The following HS3ST2 variants were observed in gnomAD, a reference collection of about 807,000 sequenced individuals.
The protein encoded by HS3ST2 is heparan sulfate glucosamine 3-O-sulfotransferase 2.
In HS3ST2, 17 loss-of-function variants were observed where a neutral mutation model predicts 26.3. The ratio of observed to expected loss-of-function variants is 0.65; its 90% CI spans 0.44 to 0.97. The LOEUF is 0.97. HS3ST2 is among the 50% of genes least tolerant of loss of function. The pLI, the probability that HS3ST2 is intolerant of heterozygous loss-of-function variation, is 0.00. For missense variants in HS3ST2, 402 were observed against 501.2 expected (o/e 0.80, Z 1.89); for synonymous variants, 237 against 219.2 (o/e 1.08, Z -0.72).
intron 1 of HS3ST2, among the ~76,000 whole-genome samples, chr16:22,903,079 A>G (rs993147197): frequency 6.6e-6 from 1 of 151,892 alleles, no homozygotes; most frequent in Middle Eastern, 3.4e-3. Context: ...TAACTTTTCC[A>G]TCTTTTCCTT....
chr16:22,846,198 A>G (rs1901429639), intron 1 of HS3ST2, among the ~76,000 whole-genome samples: 1 of 151,846 alleles, frequency 6.6e-6, no homozygotes, highest in African/African-American at 2.4e-5. Context: ...AATTGTTTGA[A>G]CCCGGGAGGC....
chr16:22,877,486 C>T (rs1397900220), intron 1 of HS3ST2, among the ~76,000 whole-genome samples: 1 of 152,206 alleles, frequency 6.6e-6, no homozygotes, highest in Admixed American at 6.5e-5. Context: ...TGGCGACTTA[C>T]TGCAGAGTGG....
intron 1 of HS3ST2, among the ~76,000 whole-genome samples, chr16:22,879,996 A>G (rs1443131846): frequency 1.3e-5 from 2 of 152,230 alleles, no homozygotes; most frequent in Non-Finnish European, 2.9e-5. Context: ...ACAAATCTCC[A>G]TAAAGCACAG....
In HS3ST2 at chr16:22,814,663, G is replaced by T. The variant is rs866604120; in HGVS notation, c.53G>T (p.Arg18Leu). The T allele has an allele frequency of 1.3e-6, 2 of 1,575,076 alleles. No individual in the cohort carries two copies. The highest frequency in any genetic ancestry group is 1.7e-6 in the Non-Finnish European group (2 of 1,161,928). The change falls in exon 1 of 2, where the codon CGC becomes CTC. Residue 18 changes from arginine (R) to leucine (L), a missense_variant. Arg to Leu is a moderately radical substitution (Grantham distance 102, BLOSUM62 -2). This residue lies in a region of HS3ST2 where 165 missense variants were observed against 154.6 expected (regional missense o/e 1.07). Coordinates refer to ENST00000261374, the MANE Select transcript of HS3ST2 (RefSeq NM_006043.2). ...RAGPPQPRRA[R>L]RLLFAFTLSL... is the part of the protein sequence containing the mutation. ...GGGCCACCTCAGCCGCGGAGGGCGC[G>T]CAGGCTGCTCTTCGCCTTCACGCTC...
At chr16:22,880,463 A>T (rs1901973555) in intron 1 of HS3ST2, among the ~76,000 whole-genome samples, 2 of 152,162 alleles carry the variant, frequency 1.3e-5, no homozygotes, top group African/African-American at 4.8e-5. Flanking sequence ...GGGGGAAAAA[A>T]ACCTTCAGTA....
intron 1 of HS3ST2, among the ~76,000 whole-genome samples, chr16:22,863,220 A>G (rs1901704057): frequency 1.3e-5 from 2 of 152,230 alleles, no homozygotes; most frequent in South Asian, 4.1e-4. Flanking sequence ...ATCAGTAGAC[A>G]TCGTTGCCGA....
chr16:22,909,769 G>A (rs1449722685), intron 1 of HS3ST2, among the ~76,000 whole-genome samples: 1 of 152,216 alleles, frequency 6.6e-6, no homozygotes, highest in African/African-American at 2.4e-5. Context: ...GGCCGAGTGC[G>A]GAGGCTCATG....
chr16:22,821,626 G>A (rs565691231), intron 1 of HS3ST2, among the ~76,000 whole-genome samples: 2 of 152,174 alleles, frequency 1.3e-5, no homozygotes, highest in South Asian at 4.2e-4. Context: ...CTCTGCTGGA[G>A]CTAACTCCGG....
intron 1 of HS3ST2, among the ~76,000 whole-genome samples, chr16:22,824,547 A>AAAGC (rs3078726): frequency 0.24 from 36,437 of 151,564 alleles, 4,694 homozygotes; most frequent in African/African-American, 0.35. Context: ...ACTCCGCCAA[A>AAAGC]AAGCAAGCAA....
chr16:22,897,033 T>C (rs1194541614), intron 1 of HS3ST2, among the ~76,000 whole-genome samples: 1 of 152,184 alleles, frequency 6.6e-6, no homozygotes, highest in Non-Finnish European at 1.5e-5. Context: ...GGTCTCAAAC[T>C]CCTGAGCTCA....
intron 1 of HS3ST2, among the ~76,000 whole-genome samples, chr16:22,890,873 AG>A (rs1282453048): frequency 6.6e-6 from 1 of 152,306 alleles, no homozygotes; most frequent in East Asian, 1.9e-4. Flanking sequence ...ATTAAGTAAA[AG>A]TTAGCCTTAA....
At chr16:22,898,377 T>C (rs916648835) in intron 1 of HS3ST2, among the ~76,000 whole-genome samples, 1 of 152,088 alleles carries the variant, frequency 6.6e-6, no homozygotes, top group Non-Finnish European at 1.5e-5. Context: ...GGAAAGGCAA[T>C]AGATAAACAG....
At chr16:22,893,442 G>A (rs1353551658) in intron 1 of HS3ST2, among the ~76,000 whole-genome samples, 1 of 152,112 alleles carries the variant, frequency 6.6e-6, no homozygotes, top group East Asian at 1.9e-4. Flanking sequence ...CAGCCTTCCT[G>A]ATTTCTTAAG....
intron 1 of HS3ST2, among the ~76,000 whole-genome samples, chr16:22,875,075 A>G (rs1355657339): frequency 2.0e-5 from 3 of 152,162 alleles, no homozygotes; most frequent in African/African-American, 7.2e-5. Context: ...TTTCAGTGAT[A>G]TTGTTGATCC....
intron 1 of HS3ST2, among the ~76,000 whole-genome samples, chr16:22,834,826 C>A (rs1288529565): frequency 6.6e-6 from 1 of 151,912 alleles, no homozygotes; most frequent in African/African-American, 2.4e-5. Context: ...TATTTATTTG[C>A]TCTTTGTCAA....
intron 1 of HS3ST2, among the ~76,000 whole-genome samples, chr16:22,869,942 T>C (rs187157486): frequency 6.8e-4 from 103 of 152,158 alleles, no homozygotes; most frequent in African/African-American, 2.4e-3. Flanking sequence ...CTTGAGAAAA[T>C]TGGATGGAAA....
chr16:22,873,374 G>A (rs1489516729), intron 1 of HS3ST2, among the ~76,000 whole-genome samples: 1 of 152,192 alleles, frequency 6.6e-6, no homozygotes, highest in African/African-American at 2.4e-5. Flanking sequence ...CTGGAACATG[G>A]CAGACATTTA....
intron 1 of HS3ST2, among the ~76,000 whole-genome samples, chr16:22,884,094 C>T (rs1301284829): frequency 6.6e-6 from 1 of 152,182 alleles, no homozygotes; most frequent in Non-Finnish European, 1.5e-5. Flanking sequence ...TCAAGAAAGG[C>T]ATTGAGCTAT....
At chr16:22,902,885 C>T (rs1041668012) in intron 1 of HS3ST2, among the ~76,000 whole-genome samples, 1 of 152,000 alleles carries the variant, frequency 6.6e-6, no homozygotes, top group Non-Finnish European at 1.5e-5. Context: ...GGCTAGTTCT[C>T]CTTTACTTAT....
Sources: allele counts gnomAD v4.1 joint callset (sites outside exome capture counted in the v4.1 genomes callset), GRCh38; gene constraint gnomAD v4.1.1; regional missense constraint gnomAD v4.1.1; transcripts MANE v1.5; gene names NCBI Gene and HGNC (gene_info 2026-07-23, HGNC 2026-07-21).